CAMKK1: variants seen among roughly 807,000 people sequenced by gnomAD.
The protein encoded by CAMKK1 is calcium/calmodulin dependent protein kinase kinase 1.
In CAMKK1, 20 loss-of-function variants were observed where a neutral mutation model predicts 63.5. The observed-to-expected ratio is 0.32, with a 90% CI of 0.22 to 0.46. CAMKK1 has a LOEUF of 0.46. Ranked by LOEUF, CAMKK1 falls within the 20% of genes least tolerant of loss-of-function variation. The probability of loss-of-function intolerance (pLI) is 1.00; values close to 1 mark genes in which losing one functional copy is unlikely to be tolerated. For synonymous variants in CAMKK1, 253 were observed against 269.0 expected (o/e 0.94, Z 0.58); for missense variants, 588 against 658.1 (o/e 0.89, Z 1.17).
At position 3,883,789 on chromosome 17, in the gene CAMKK1, C is replaced by A; in HGVS notation, c.462+95G>T. Reference sequence around the variant, plus strand: ...GGACAGGGAGCTCACTCTCAGGCAGCCCTGTCCTCTATCTCCTAAGCACAA... The same window carrying A: ...GGACAGGGAGCTCACTCTCAGGCAGACCTGTCCTCTATCTCCTAAGCACAA... On this transcript the variant is annotated intron_variant, in intron 4 of 15. Coordinates refer to ENST00000348335, the MANE Select transcript of CAMKK1 (RefSeq NM_032294.3). The surrounding 1 kb of genome is among the most constrained non-coding windows in gnomAD (Gnocchi z 4.7). The A allele has an allele frequency of 7.9e-7, 1 of 1,269,686 alleles. No individual in the cohort carries two copies. The highest frequency in any genetic ancestry group is 1.1e-6 in the Non-Finnish European group (1 of 872,652). The allele number at this position is 1,269,686 out of a possible 1,614,324, so 78.7% of individuals were successfully genotyped here.
chr17:3,868,131 T>A (rs867466946), intron 14 of CAMKK1, among the ~76,000 whole-genome samples: 2 of 40,686 alleles, frequency 4.9e-5, no homozygotes, highest in Non-Finnish European at 4.3e-5. Flanking sequence ...ATACGTGGGC[T>A]CTGGGGGAGA....
chr17:3,865,887 C>A lies in CAMKK1; in HGVS notation c.1445+21G>T, dbSNP rs1246739441. 12 of 1,613,930 alleles carry A rather than the reference C, an allele frequency of 7.4e-6. No individual in the cohort carries two copies. In the East Asian group the frequency reaches 2.5e-4, roughly 33 times the overall value. On this transcript the variant is annotated intron_variant, in intron 15 of 15. Coordinates refer to ENST00000348335, the MANE Select transcript of CAMKK1 (RefSeq NM_032294.3). ...CCAACTCCAGGGAGTGCCCGGCAGT[C>A]CCTGGCCCACCAGTACTTACACCAG...
At chr17:3,868,613 C>T (rs2054680129) in intron 14 of CAMKK1, among the ~76,000 whole-genome samples, 1 of 152,154 alleles carries the variant, frequency 6.6e-6, no homozygotes, top group Non-Finnish European at 1.5e-5. Flanking sequence ...ATGCTTCTTC[C>T]AGTCACGGTG....
Position 3,885,328 on chromosome 17 carries a change from C to G in CAMKK1, c.360G>C (p.Glu120Asp), listed in dbSNP as rs762569562. The G allele has an allele frequency of 1.9e-6, 3 of 1,586,838 alleles. No homozygotes were observed. The highest frequency in any genetic ancestry group is 3.4e-5 in the Admixed American group (2 of 58,216). The change falls in exon 2 of 16, where the codon GAG becomes GAC. Residue 120 changes from glutamate to aspartate, a missense_variant and splice_region_variant. Glu to Asp is a conservative substitution (Grantham distance 45, BLOSUM62 2). Around this residue, in one of 3 missense-constraint regions of CAMKK1, gnomAD observed 357 missense variants for 407.4 expected, o/e 0.88. Coordinates refer to ENST00000348335, the MANE Select transcript of CAMKK1 (RefSeq NM_032294.3). The stretch of plus-strand genomic sequence containing the variant: ...CAACCCCTCGTTCTGCCCCACCAAC[C>G]TCTGCATCTGAGATGGCCACGTGGT... ...ESHHVAISDA[E>D]DCVQLNQYKL...
chr17:3,865,828 TGA>T, intron 15 of CAMKK1, 78 bp downstream of exon 15: 1 of 1,584,598 alleles, frequency 6.3e-7, no homozygotes, highest in East Asian at 2.3e-5. Context: ...CCAACGACAG[TGA>T]GAGTGGGAGG....
In CAMKK1 at chr17:3,889,648, A is replaced by C. The variant is rs12450718; in HGVS notation, c.-44+3291T>G. On this transcript the variant is annotated intron_variant, in intron 1 of 15. Transcript: ENST00000348335. The surrounding 1 kb of genome is among the most constrained non-coding windows in gnomAD (Gnocchi z 5.2). Reference sequence around the variant, plus strand: ...GATGTGGCTGTGTCTAGAAGCGTCCAAGAGAGCCTTGATGTGCAAGGTCCA... The same window carrying C: ...GATGTGGCTGTGTCTAGAAGCGTCCCAGAGAGCCTTGATGTGCAAGGTCCA... 0.023 allele frequency among the ~76,000 whole-genome samples: 3,467 copies of C among 152,228 alleles called. 97 individuals are homozygous for C. The highest frequency in any genetic ancestry group is 0.067 in the Admixed American group (1,021 of 15,294).
intron 12 of CAMKK1, among the ~76,000 whole-genome samples, chr17:3,871,504 G>C (rs146182942): frequency 1.3e-5 from 2 of 149,636 alleles, no homozygotes; most frequent in African/African-American, 2.5e-5. Context: ...ACAGGCACCC[G>C]CCACCACGCC....
At position 3,868,062 on chromosome 17, in the gene CAMKK1, A is replaced by C. The variant is rs62070443; in HGVS notation, c.1341+1425T>G. On this transcript the variant is annotated intron_variant, in intron 14 of 15. Coordinates refer to ENST00000348335, the MANE Select transcript of CAMKK1 (RefSeq NM_032294.3). ...ACTGATACACAGGATCTGGGGGAGA[A>C]GCAGGCGCAGTCTAACTGATACGTG... Among the ~76,000 whole-genome samples, 102 of 66,230 alleles carry C rather than the reference A, an allele frequency of 1.5e-3. 2 individuals carry two copies. The highest frequency in any genetic ancestry group is 4.4e-3 in the African/African-American group (45 of 10,266). The allele number at this position is 66,230 out of a possible 152,430, so 43.4% of individuals were successfully genotyped here.
At chr17:3,888,524 G>A (rs1019190280) in intron 1 of CAMKK1, among the ~76,000 whole-genome samples, 4 of 152,208 alleles carry the variant, frequency 2.6e-5, no homozygotes, top group African/African-American at 9.6e-5. Context: ...GGGTTCTAGC[G>A]GGCCTCACCT....
intron 10 of CAMKK1, among the ~76,000 whole-genome samples, chr17:3,875,839 G>A (rs958102841): frequency 1.3e-5 from 2 of 152,022 alleles, no homozygotes; most frequent in African/African-American, 4.8e-5. Flanking sequence ...CTAGGCTCCA[G>A]GTCCTGCTCA....
chr17:3,883,883 CAT>C lies in CAMKK1; in HGVS notation c.461_462del (p.Tyr154CysfsTer66), dbSNP rs747084727. 4.3e-6 allele frequency: 7 copies of C among 1,613,658 alleles called. No individual in the cohort carries two copies. The highest frequency in any genetic ancestry group is 1.3e-5 in the African/African-American group (1 of 74,880). On this transcript the variant is annotated frameshift_variant and splice_region_variant, in exon 4 of 16. Transcript: ENST00000348335. LOFTEE classifies it high-confidence loss of function. This position sits in a 1 kb window ranked among gnomAD's most constrained non-coding sequence, Gnocchi z 4.7. The stretch of plus-strand genomic sequence containing the variant: ...CACCTCCCTCGTATCCCCAGACTCA[CAT>C]AGTGTCTGTCTTCACTTTCGTTGTA... ...LAYNESEDRH[Y>X]AMKVLSKKKL...
chr17:3,881,603 G>C (rs2055413050), intron 8 of CAMKK1, 24 bp downstream of exon 8: 1 of 1,565,052 alleles, frequency 6.4e-7, no homozygotes, highest in African/African-American at 1.4e-5. Context: ...GAATTGACCT[G>C]CCTGATCAGG....
rs1230276607 is a variant in CAMKK1, at chr17:3,892,359, G to A, written c.-44+580C>T. 6.6e-6 allele frequency among the ~76,000 whole-genome samples: 1 copy of A among 151,946 alleles called. No individual in the cohort carries two copies. The highest frequency in any genetic ancestry group is 1.5e-5 in the Non-Finnish European group (1 of 67,980). On this transcript the variant is annotated intron_variant, in intron 1 of 15. Coordinates refer to ENST00000348335, the MANE Select transcript of CAMKK1 (RefSeq NM_032294.3). The surrounding 1 kb of genome is among the most constrained non-coding windows in gnomAD (Gnocchi z 7.5). ...CCAAACAGCACACGCAGGTCCCTGCGCACGTGGACACCCCCCCAGCCACCA... is the reference window on the plus strand; with the variant it reads ...CCAAACAGCACACGCAGGTCCCTGCACACGTGGACACCCCCCCAGCCACCA...
At chr17:3,867,641 C>T (rs906046018) in intron 14 of CAMKK1, among the ~76,000 whole-genome samples, 6 of 152,086 alleles carry the variant, frequency 3.9e-5, no homozygotes, top group Admixed American at 6.5e-5. Context: ...CTGGTTCCAG[C>T]GACCCCACAG....
chr17:3,865,863 C>A lies in CAMKK1; in HGVS notation c.1445+45G>T, dbSNP rs769966955. On this transcript the variant is annotated intron_variant, in intron 15 of 15. Transcript: ENST00000348335. Reference sequence around the variant, plus strand: ...AGGATGGGCCTCAGACCTCCCCACCCAACTCCAGGGAGTGCCCGGCAGTCC... The same window carrying A: ...AGGATGGGCCTCAGACCTCCCCACCAAACTCCAGGGAGTGCCCGGCAGTCC... The A allele has an allele frequency of 9.3e-6, 15 of 1,611,300 alleles. No individual in the cohort carries two copies. In the South Asian group the frequency reaches 1.3e-4, roughly 14 times the overall value.
chr17:3,865,690 GC>G, intron 15 of CAMKK1: 1 of 1,408,224 alleles, frequency 7.1e-7, no homozygotes, highest in South Asian at 1.5e-5. Flanking sequence ...TGTGAGGGAT[GC>G]TGGCCCCAGG....
intron 12 of CAMKK1, among the ~76,000 whole-genome samples, chr17:3,870,654 C>G (rs1300992843): frequency 6.6e-6 from 1 of 152,088 alleles, no homozygotes; most frequent in African/African-American, 2.4e-5. Context: ...CGTGAGCCAC[C>G]ACGCCCGGCC....
chr17:3,865,278 C>T (rs774887256), intron 15 of CAMKK1: 31 of 986,422 alleles, frequency 3.1e-5, no homozygotes, highest in Non-Finnish European at 3.6e-5. Context: ...ACAGGCGTGG[C>T]TCACCATAGG....
At position 3,887,886 on chromosome 17, in the gene CAMKK1, C is replaced by T. The variant is rs891809546; in HGVS notation, c.-43-2156G>A. On this transcript the variant is annotated intron_variant, in intron 1 of 15. Coordinates refer to ENST00000348335, the MANE Select transcript of CAMKK1 (RefSeq NM_032294.3). The surrounding 1 kb of genome is among the most constrained non-coding windows in gnomAD (Gnocchi z 6.1). The stretch of plus-strand genomic sequence containing the variant: ...ACCCCTCCGCCCCTTCCCCTCACTC[C>T]GCATGCCTTGTTTTTCCCTCCCGAA... Among the ~76,000 whole-genome samples the T allele has an allele frequency of 2.6e-5, 4 of 152,162 alleles. No individual in the cohort carries two copies. Among genetic ancestry groups the T allele is most frequent in the African/African-American group, 9.7e-5 (4 of 41,428 alleles).
Sources: allele counts gnomAD v4.1 joint callset (sites outside exome capture counted in the v4.1 genomes callset), GRCh38; gene constraint gnomAD v4.1.1; regional missense constraint gnomAD v4.1.1; non-coding constraint Gnocchi (gnomAD v3.1); transcripts MANE v1.5; gene names NCBI Gene and HGNC (gene_info 2026-07-23, HGNC 2026-07-21).